The following ADAMTSL3 variants were observed in gnomAD, a reference collection of about 807,000 sequenced individuals.
ADAMTSL3 encodes ADAMTS like 3, also known as ADAMTS-like protein 3.
ADAMTSL3 carries 128 observed loss-of-function variants against 201.7 expected under a neutral mutation model. The observed-to-expected ratio is 0.63, with a 90% CI of 0.55 to 0.73. The LOEUF is 0.73. Ranked by LOEUF, ADAMTSL3 falls within the 30% of genes least tolerant of loss-of-function variation. The pLI, the probability that ADAMTSL3 is intolerant of heterozygous loss-of-function variation, is 0.00. For synonymous variants in ADAMTSL3, 738 were observed against 748.4 expected, an observed-to-expected ratio of 0.99 and a Z score of 0.23; for missense variants, 1,990 against 2,119.6, an observed-to-expected ratio of 0.94 and a Z score of 1.20.
intron 17 of ADAMTSL3, among the ~76,000 whole-genome samples, chr15:83,932,598 G>A (rs772660729): frequency 6.6e-6 from 1 of 152,186 alleles, no homozygotes; most frequent in Non-Finnish European, 1.5e-5. Flanking sequence ...CCTCTGAATG[G>A]AAGGAATCAG....
chr15:83,786,067 C>T (rs1191255375), intron 4 of ADAMTSL3, among the ~76,000 whole-genome samples: 1 of 152,132 alleles, frequency 6.6e-6, no homozygotes, highest in African/African-American at 2.4e-5. Flanking sequence ...GTCTCAAACT[C>T]CTGACCTCAA....
chr15:83,681,808 T>A (rs1674269050), intron 2 of ADAMTSL3, among the ~76,000 whole-genome samples: 1 of 152,156 alleles, frequency 6.6e-6, no homozygotes, highest in Non-Finnish European at 1.5e-5. Flanking sequence ...CTGTGCCCTG[T>A]CATGGTCTTC....
intron 3 of ADAMTSL3, among the ~76,000 whole-genome samples, chr15:83,736,163 T>C (rs1313987829): frequency 6.6e-6 from 1 of 152,210 alleles, no homozygotes; most frequent in South Asian, 2.1e-4. Context: ...GCAGTCCTGG[T>C]GGGATTACAC....
At chr15:83,987,024 T>C (rs1305249064) in intron 21 of ADAMTSL3, among the ~76,000 whole-genome samples, 1 of 152,228 alleles carries the variant, frequency 6.6e-6, no homozygotes, top group Non-Finnish European at 1.5e-5. Flanking sequence ...CTCACTGGAC[T>C]GTTACCTGAA....
chr15:83,674,906 T>C (rs1424572693), intron 2 of ADAMTSL3, among the ~76,000 whole-genome samples: 1 of 151,254 alleles, frequency 6.6e-6, no homozygotes, highest in Non-Finnish European at 1.5e-5. Flanking sequence ...TGTCTCTTCA[T>C]TATGTAGCTG....
chr15:83,940,338 C>T (rs1458517938), intron 17 of ADAMTSL3, among the ~76,000 whole-genome samples: 1 of 152,132 alleles, frequency 6.6e-6, no homozygotes, highest in Admixed American at 6.5e-5. Context: ...AGGGTGGCTT[C>T]GAAGACAGAA....
Position 83,923,970 on chromosome 15 carries a change from G to GTGATA in ADAMTSL3, c.2057_2061dup (p.Val688IlefsTer9). 6.2e-7 allele frequency: 1 copy of GTGATA among 1,614,172 alleles called. No homozygotes were observed. The highest frequency in any genetic ancestry group is 8.5e-7 in the Non-Finnish European group (1 of 1,180,012). On this transcript the variant is annotated frameshift_variant, in exon 17 of 30. Coordinates refer to ENST00000286744, the MANE Select transcript of ADAMTSL3 (RefSeq NM_207517.3). LOFTEE classifies it high-confidence loss of function. ...CAGCAGACAGTCAATGACAGCTTGTGTGATATGGTCCACCGTCCTCCAGCC... is the reference window on the plus strand; with the variant it reads ...CAGCAGACAGTCAATGACAGCTTGTGTGATATGATATGGTCCACCGTCCTCCAGCC...
chr15:83,716,493 C>T lies in ADAMTSL3; in HGVS notation c.189+11985C>T, dbSNP rs192781154. ...GCGTGCCATTGCATTCCAGCCTGGG[C>T]AACAAGAGCAAAACTCCGTCTCAAA... is the stretch of plus-strand genomic sequence containing the variant. On this transcript the variant is annotated intron_variant, in intron 3 of 29. Transcript: ENST00000286744. 3.2e-3 allele frequency among the ~76,000 whole-genome samples: 341 copies of T among 106,632 alleles called. 5 individuals carry two copies. In the Admixed American group the frequency reaches 0.033, roughly 10 times the overall value. The allele number at this position is 106,632 out of a possible 152,430, so 70.0% of individuals were successfully genotyped here. A position where few individuals can be genotyped will look rare whatever the true frequency, so the allele number is the denominator to read the frequency against.
chr15:83,733,753 C>CA (rs972144561), intron 3 of ADAMTSL3, among the ~76,000 whole-genome samples: 27 of 152,116 alleles, frequency 1.8e-4, no homozygotes, highest in African/African-American at 6.0e-4. Flanking sequence ...AGTTTGTTGA[C>CA]AGCACTCATG....
chr15:83,773,434 A>G (rs2063018545), intron 3 of ADAMTSL3, 89 bp from the exon 4 acceptor site: 13 of 1,436,442 alleles, frequency 9.1e-6, no homozygotes, highest in Non-Finnish European at 1.2e-5. Context: ...ACTCTGGAAT[A>G]ACTGGGGAAG....
At chr15:83,991,327 A>AG in intron 23 of ADAMTSL3, 113 bp downstream of exon 23, 1 of 1,485,112 alleles carries the variant, frequency 6.7e-7, no homozygotes, top group South Asian at 1.3e-5. Context: ...TCAGCCTGAT[A>AG]GGCTTAAAAA....
intron 13 of ADAMTSL3, 75 bp from the exon 14 acceptor site, chr15:83,897,783 C>T (rs2065646557): frequency 4.1e-6 from 6 of 1,474,336 alleles, no homozygotes; most frequent in Non-Finnish European, 5.5e-6. Context: ...AATGGCTCTC[C>T]TTTGCATTCG....
intron 14 of ADAMTSL3, 30 bp from the exon 15 acceptor site, chr15:83,899,617 G>C (rs754065590): frequency 8.1e-6 from 13 of 1,597,398 alleles, no homozygotes; most frequent in African/African-American, 1.4e-5. Flanking sequence ...ATAGTAATTA[G>C]GCTCATTGTT....
chr15:83,714,551 G>A, intron 3 of ADAMTSL3, among the ~76,000 whole-genome samples: 1 of 152,036 alleles, frequency 6.6e-6, no homozygotes, highest in Non-Finnish European at 1.5e-5. Flanking sequence ...CTTCAGCTCA[G>A]TTGTTACTTC....
At chr15:83,859,409 C>T (rs1364641664) in intron 8 of ADAMTSL3, among the ~76,000 whole-genome samples, 1 of 152,202 alleles carries the variant, frequency 6.6e-6, no homozygotes, top group Non-Finnish European at 1.5e-5. Flanking sequence ...AGAGTTCAGC[C>T]TCAGTTCCCT....
intron 17 of ADAMTSL3, among the ~76,000 whole-genome samples, chr15:83,939,469 A>G (rs1472624692): frequency 1.3e-5 from 2 of 152,068 alleles, no homozygotes; most frequent in Non-Finnish European, 2.9e-5. Flanking sequence ...GTAAACTTTC[A>G]AATTTATTGA....
At chr15:84,017,586 A>T (rs1216365686) in intron 25 of ADAMTSL3, among the ~76,000 whole-genome samples, 2 of 152,134 alleles carry the variant, frequency 1.3e-5, no homozygotes, top group Non-Finnish European at 2.9e-5. Flanking sequence ...CTAGGCTTTC[A>T]CCTCCTGAGG....
chr15:83,740,284 C>G (rs2062433664), intron 3 of ADAMTSL3: 1 of 152,692 alleles, frequency 6.5e-6, no homozygotes, highest in South Asian at 2.1e-4. Flanking sequence ...CTCAGTAAAT[C>G]TCAAAAAGCA....
chr15:83,931,698 A>G (rs1267203337), intron 17 of ADAMTSL3, among the ~76,000 whole-genome samples: 1 of 152,202 alleles, frequency 6.6e-6, no homozygotes, highest in African/African-American at 2.4e-5. Flanking sequence ...AAGGGGGCCT[A>G]TCAAAGACAC....
Sources: allele counts gnomAD v4.1 joint callset (sites outside exome capture counted in the v4.1 genomes callset), GRCh38; gene constraint gnomAD v4.1.1; transcripts MANE v1.5; gene names NCBI Gene and HGNC (gene_info 2026-07-23, HGNC 2026-07-21).